The following SCFD2 variants were observed in gnomAD, a reference collection of about 807,000 sequenced individuals.
SCFD2 encodes the protein sec1 family domain containing 2.
Under a neutral mutation model 58.9 loss-of-function variants are expected in SCFD2, and 54 were observed. That is an observed-to-expected ratio of 0.92 (90% confidence interval 0.74 to 1.15). SCFD2 has a LOEUF of 1.15. Among genes scored for constraint, SCFD2 ranks in the 50% most tolerant of loss-of-function variants. The pLI, the probability that SCFD2 is intolerant of heterozygous loss-of-function variation, is 0.00. For synonymous variants in SCFD2, 321 were observed against 335.9 expected (o/e 0.96, Z 0.49); for missense variants, 805 against 836.6 (o/e 0.96, Z 0.47).
intron 5 of SCFD2, among the ~76,000 whole-genome samples, chr4:53,136,928 C>A (rs1299478214): frequency 6.6e-6 from 1 of 152,190 alleles, no homozygotes; most frequent in East Asian, 1.9e-4. Flanking sequence ...ATCATTATTT[C>A]AGTATACACT....
chr4:52,969,667 T>C (rs144590561), intron 5 of SCFD2, among the ~76,000 whole-genome samples: 1 of 152,328 alleles, frequency 6.6e-6, no homozygotes, highest in East Asian at 1.9e-4. Context: ...TGGAAGTGTG[T>C]GTCCTGATGA....
chr4:52,943,142 T>C (rs934876711), intron 5 of SCFD2, among the ~76,000 whole-genome samples: 6 of 152,156 alleles, frequency 3.9e-5, no homozygotes, highest in Non-Finnish European at 7.4e-5. Flanking sequence ...TCTCTGGCAC[T>C]AGTGTCAAGA....
intron 4 of SCFD2, among the ~76,000 whole-genome samples, chr4:53,207,202 C>T (rs537925877): frequency 6.6e-6 from 1 of 151,530 alleles, no homozygotes; most frequent in South Asian, 2.1e-4. Context: ...TATTAAGCCC[C>T]ACCTCCCAAC....
intron 2 of SCFD2, among the ~76,000 whole-genome samples, chr4:53,320,736 G>A (rs932135766): frequency 2.0e-5 from 3 of 152,200 alleles, no homozygotes; most frequent in African/African-American, 7.2e-5. Context: ...ATCCCATGCT[G>A]CTATTTCTTT....
At chr4:52,969,518 G>A (rs568205165) in intron 5 of SCFD2, among the ~76,000 whole-genome samples, 1 of 152,292 alleles carries the variant, frequency 6.6e-6, no homozygotes, top group South Asian at 2.1e-4. Flanking sequence ...GAACAGTTCA[G>A]TCCCTGGAAG....
chr4:53,214,302 T>C (rs933197640), intron 4 of SCFD2, among the ~76,000 whole-genome samples: 2 of 151,516 alleles, frequency 1.3e-5, no homozygotes, highest in Non-Finnish European at 2.9e-5. Flanking sequence ...TTTCTCCACA[T>C]CCTCCCAGCA....
rs74469922 is a variant in SCFD2, at chr4:53,023,514, T to C, written c.1562-102644A>G. On this transcript the variant is annotated intron_variant, in intron 5 of 8. Transcript: ENST00000401642. ...ATTGCTGTGATATTAGACCCCTTCC[T>C]CTCCTCACAATCCCAAATTCTAACT... is the stretch of plus-strand genomic sequence containing the variant. Among the ~76,000 whole-genome samples, 701 of 152,168 alleles carry C rather than the reference T, an allele frequency of 4.6e-3. 3 individuals are homozygous for C. Among genetic ancestry groups the C allele is most frequent in the African/African-American group, 0.016 (656 of 41,512 alleles).
intron 5 of SCFD2, among the ~76,000 whole-genome samples, chr4:53,021,100 T>C (rs1430150166): frequency 3.3e-5 from 5 of 152,200 alleles, no homozygotes; most frequent in Non-Finnish European, 7.3e-5. Context: ...GATGACAATA[T>C]ACTAATAATG....
At chr4:53,062,854 T>G (rs191643119) in intron 5 of SCFD2, among the ~76,000 whole-genome samples, 399 of 152,234 alleles carry the variant, frequency 2.6e-3, no homozygotes, top group Non-Finnish European at 4.0e-3. Flanking sequence ...TAAAAACTGG[T>G]TTTTTGAGCA....
intron 5 of SCFD2, among the ~76,000 whole-genome samples, chr4:53,008,105 G>A (rs191557168): frequency 6.6e-6 from 1 of 152,304 alleles, no homozygotes; most frequent in Admixed American, 6.5e-5. Flanking sequence ...ACAAACATGT[G>A]GGCAAGGTTA....
chr4:52,946,600 C>A lies in SCFD2; in HGVS notation c.1562-25730G>T, dbSNP rs1436251915. Among the ~76,000 whole-genome samples, 8 of 152,252 alleles carry A rather than the reference C, an allele frequency of 5.3e-5. No individual in the cohort carries two copies. The East Asian group carries it at 1.5e-3, about 29-fold the overall frequency. On this transcript the variant is annotated intron_variant, in intron 5 of 8. Transcript: ENST00000401642. ...AACTAAGATTAGGGTCATAAACAAT[C>A]ACTATGTTTTCATCTCCTTAACCAA...
At chr4:53,142,526 G>C (rs1234546827) in intron 5 of SCFD2, among the ~76,000 whole-genome samples, 4 of 152,284 alleles carry the variant, frequency 2.6e-5, no homozygotes. Context: ...GCAAACTGTA[G>C]GCAAGTTCAC....
chr4:53,175,894 A>T (rs1727313647), intron 4 of SCFD2, among the ~76,000 whole-genome samples: 1 of 152,204 alleles, frequency 6.6e-6, no homozygotes, highest in Non-Finnish European at 1.5e-5. Context: ...ATATCTTCCT[A>T]GTCCCTGACT....
intron 4 of SCFD2, among the ~76,000 whole-genome samples, chr4:53,198,546 T>G (rs1728127750): frequency 2.0e-5 from 3 of 152,230 alleles, no homozygotes; most frequent in African/African-American, 7.2e-5. Context: ...ATTTTCAGTT[T>G]CAGTACTTCA....
intron 4 of SCFD2, among the ~76,000 whole-genome samples, chr4:53,165,737 G>T (rs1039103750): frequency 1.4e-4 from 21 of 152,110 alleles, no homozygotes; most frequent in Non-Finnish European, 4.4e-5. Context: ...CAGGATTGTT[G>T]AATGTTTGAG....
chr4:52,972,006 C>T (rs1721115246), intron 5 of SCFD2, among the ~76,000 whole-genome samples: 1 of 152,140 alleles, frequency 6.6e-6, no homozygotes, highest in Admixed American at 6.5e-5. Context: ...TAAAAGAGCT[C>T]CTGAAGGAAG....
chr4:52,992,201 A>G (rs974634185), intron 5 of SCFD2, among the ~76,000 whole-genome samples: 1 of 151,842 alleles, frequency 6.6e-6, no homozygotes, highest in African/African-American at 2.4e-5. Flanking sequence ...TGGTTTTCCT[A>G]TTTTTTTGGT....
At chr4:53,328,988 A>AG (rs1733319804) in intron 2 of SCFD2, among the ~76,000 whole-genome samples, 1 of 152,042 alleles carries the variant, frequency 6.6e-6, no homozygotes, top group African/African-American at 2.4e-5. Context: ...GGTGACGGAC[A>AG]CACCTGGAAA....
At chr4:53,227,722 G>T (rs1729268503) in intron 4 of SCFD2, among the ~76,000 whole-genome samples, 1 of 151,980 alleles carries the variant, frequency 6.6e-6, no homozygotes, top group Non-Finnish European at 1.5e-5. Flanking sequence ...TACTGGAGGG[G>T]AGTGCTCCAA....
Sources: gnomAD v4.1 joint callset for allele counts (sites outside exome capture counted in the v4.1 genomes callset) on GRCh38, gnomAD v4.1.1 for gene constraint, MANE v1.5 for transcripts, NCBI Gene and HGNC (gene_info 2026-07-23, HGNC 2026-07-21) for gene names.